Variants in DAGLB observed in about 807,000 individuals in gnomAD.
DAGLB encodes the protein diacylglycerol lipase beta.
Under a neutral mutation model 72.1 loss-of-function variants are expected in DAGLB, and 66 were observed. The ratio of observed to expected loss-of-function variants is 0.92; its 90% CI spans 0.75 to 1.12. The LOEUF (loss-of-function observed/expected upper bound fraction) is 1.12. DAGLB is among the 50% of genes most tolerant of loss of function. DAGLB has a pLI of 0.00. For synonymous variants in DAGLB, 414 were observed against 359.5 expected (o/e 1.15, Z -1.71); for missense variants, 1,065 against 884.9 (o/e 1.20, Z -2.58).
chr7:6,442,069 G>T (rs909576876), intron 2 of DAGLB, among the ~76,000 whole-genome samples: 2 of 152,110 alleles, frequency 1.3e-5, no homozygotes, highest in Non-Finnish European at 2.9e-5. Flanking sequence ...TCCTAGAGGG[G>T]CAAGGAAGCA....
At position 6,411,758 on chromosome 7, in the gene DAGLB, C is replaced by T. The variant is rs566552423; in HGVS notation, c.1569+1053G>A. ...CAAGTAAAAATCATCTCTACCGACA[C>T]TAAACAAAACCACCCTTGGCATACG... On this transcript the variant is annotated intron_variant, in intron 13 of 14. Coordinates refer to ENST00000297056, the MANE Select transcript of DAGLB (RefSeq NM_139179.4). 1.0e-3 allele frequency among the ~76,000 whole-genome samples: 154 copies of T among 152,290 alleles called. 2 individuals carry two copies. Among genetic ancestry groups the T allele is most frequent in the South Asian group, 1.2e-3 (6 of 4,824 alleles).
chr7:6,447,432 G>C (rs1562491946), intron 1 of DAGLB, among the ~76,000 whole-genome samples: 1 of 152,190 alleles, frequency 6.6e-6, no homozygotes, highest in Non-Finnish European at 1.5e-5. Context: ...TAACACCCTC[G>C]TGGCACCCCA....
rs372411593 is a variant in DAGLB at position 6,421,746 on chromosome 7, T to A, written c.1199A>T (p.Gln400Leu). 29 of 1,612,524 alleles carry A rather than the reference T, an allele frequency of 1.8e-5. No homozygotes were observed. The highest frequency in any genetic ancestry group is 2.4e-5 in the Non-Finnish European group (28 of 1,179,082). ...SEVLDVECEV[Q>L]DRLAHKGISQ... is the part of the protein sequence containing the mutation. The stretch of plus-strand genomic sequence containing the variant: ...TCATACCTTGTGTGCCAGGCGGTCC[T>A]GCACCTCACACTCCACGTCCAGCAC... The change falls in exon 9 of 15, where the codon CAG (glutamine) becomes CTG (leucine). Residue 400 changes from glutamine (Q) to leucine (L), a missense_variant. Physicochemically the swap from Gln to Leu is moderately radical, Grantham distance 113. Transcript: ENST00000297056.
rs758563828 is a variant in DAGLB, at chr7:6,434,866, C to A, written c.574G>T (p.Val192Leu). 6 of 1,614,070 alleles carry A rather than the reference C, an allele frequency of 3.7e-6. No homozygotes were observed. The highest frequency in any genetic ancestry group is 5.1e-6 in the Non-Finnish European group (6 of 1,180,042). The change falls in exon 4 of 15, where the codon GTG becomes TTG. Residue 192 changes from valine to leucine, a missense_variant. Coordinates refer to ENST00000297056, the MANE Select transcript of DAGLB (RefSeq NM_139179.4). ...AAGAGCTTGATTCTGGTTTCCCACA[C>A]GCTTGTAGCTGCTGTCTTGAGGCCA... ...LNGLKTAATS[V>L]WETRIKLLCC...
intron 2 of DAGLB, chr7:6,445,700 T>C (rs761831028): frequency 2.0e-5 from 6 of 299,438 alleles, no homozygotes; most frequent in Admixed American, 9.5e-5. Context: ...TGGCCTCAAG[T>C]GATCCACCCA....
intron 2 of DAGLB, among the ~76,000 whole-genome samples, chr7:6,441,740 C>T (rs1480290353): frequency 1.3e-5 from 2 of 152,092 alleles, no homozygotes; most frequent in African/African-American, 4.8e-5. Flanking sequence ...TTTAATAAGG[C>T]ATATAATGTT....
At chr7:6,418,643 C>T (rs143138213) in intron 9 of DAGLB, among the ~76,000 whole-genome samples, 129 of 150,660 alleles carry the variant, frequency 8.6e-4, no homozygotes, top group African/African-American at 2.7e-3. Flanking sequence ...TTGATCATCT[C>T]TAATCCAACT....
rs117787582 is a variant in DAGLB at position 6,425,618 on chromosome 7, A to G, written c.1056+370T>C. On this transcript the variant is annotated intron_variant, in intron 7 of 14. Coordinates refer to ENST00000297056, the MANE Select transcript of DAGLB (RefSeq NM_139179.4). ...CCCAAGGTGACAGTGACCCCCCCAG[A>G]GTGCCAGACCTGCTACACTACACTA... is the stretch of plus-strand genomic sequence containing the variant. Among the ~76,000 whole-genome samples, 57 of 152,232 alleles carry G rather than the reference A, an allele frequency of 3.7e-4. No homozygotes were observed. In the East Asian group the frequency reaches 0.01, roughly 28 times the overall value.
chr7:6,432,984 G>A, intron 4 of DAGLB, 25 bp from the exon 5 acceptor site: 2 of 1,608,244 alleles, frequency 1.2e-6, no homozygotes, highest in Non-Finnish European at 8.5e-7. Flanking sequence ...ACAATGGCCT[G>A]TCATAAAACC....
chr7:6,447,678 T>C, intron 1 of DAGLB, 70 bp downstream of exon 1: 1 of 1,539,554 alleles, frequency 6.5e-7, no homozygotes, highest in Non-Finnish European at 8.8e-7. Flanking sequence ...TCTGTCACCG[T>C]CTCAAGGGAC....
chr7:6,443,668 C>T (rs937713335), intron 2 of DAGLB, among the ~76,000 whole-genome samples: 4 of 152,026 alleles, frequency 2.6e-5, no homozygotes, highest in African/African-American at 7.2e-5. Flanking sequence ...ATCTTGATGC[C>T]GTCACTCACT....
At chr7:6,424,890 C>A (rs1469774510) in intron 7 of DAGLB, 55 bp from the exon 8 acceptor site, 11 of 1,579,392 alleles carry the variant, frequency 7.0e-6, no homozygotes, top group South Asian at 1.1e-5. Context: ...CGCACCAGCA[C>A]GCAAAGTCGG....
At chr7:6,413,465 C>T (rs1259480072) in intron 11 of DAGLB, among the ~76,000 whole-genome samples, 1 of 152,058 alleles carries the variant, frequency 6.6e-6, no homozygotes, top group African/African-American at 2.4e-5. Context: ...CCCGTCTCTA[C>T]TAAAAATACA....
At chr7:6,436,948 G>A (rs570133383) in intron 2 of DAGLB, among the ~76,000 whole-genome samples, 3 of 151,908 alleles carry the variant, frequency 2.0e-5, no homozygotes, top group South Asian at 2.1e-4. Flanking sequence ...TCAGGAGTTC[G>A]AGACCAGCCT....
At position 6,438,018 on chromosome 7, in the gene DAGLB, C is replaced by T. The variant is rs903656531; in HGVS notation, c.248-1485G>A. Among the ~76,000 whole-genome samples, 13 of 152,272 alleles carry T rather than the reference C, an allele frequency of 8.5e-5. No individual in the cohort carries two copies. In the East Asian group the frequency reaches 2.5e-3, roughly 29 times the overall value. On this transcript the variant is annotated intron_variant, in intron 2 of 14. Coordinates refer to ENST00000297056, the MANE Select transcript of DAGLB (RefSeq NM_139179.4). ...TAGTTACATTTTAAAATATTAGGCA[C>T]TAACATAAAGAAGGATGAGTTCATG...
Position 6,436,347 on chromosome 7 carries a change from G to T in DAGLB, c.419+15C>A, listed in dbSNP as rs1443487430. ...CAAATCCACTGAAACTCAAAGAGAA[G>T]AAGGGAGATGTCACCTGACCACGAC... On this transcript the variant is annotated intron_variant, in intron 3 of 14. Coordinates refer to ENST00000297056, the MANE Select transcript of DAGLB (RefSeq NM_139179.4). 6.3e-7 allele frequency: 1 copy of T among 1,595,804 alleles called. No individual in the cohort carries two copies. Among genetic ancestry groups the T allele is most frequent in the South Asian group, 1.1e-5 (1 of 88,666 alleles).
intron 9 of DAGLB, among the ~76,000 whole-genome samples, chr7:6,420,915 G>A (rs1256433049): frequency 2.6e-5 from 4 of 152,214 alleles, no homozygotes; most frequent in Admixed American, 6.5e-5. Flanking sequence ...CAGAGCGCCC[G>A]TGGGGTGGGC....
At chr7:6,414,732 G>A (rs1428738747) in intron 11 of DAGLB, among the ~76,000 whole-genome samples, 2 of 152,068 alleles carry the variant, frequency 1.3e-5, no homozygotes, top group African/African-American at 2.4e-5. Context: ...AACTACCAGT[G>A]CCCCGATTTC....
chr7:6,426,619 G>C (rs1784319017), intron 6 of DAGLB, among the ~76,000 whole-genome samples: 1 of 152,150 alleles, frequency 6.6e-6, no homozygotes, highest in Non-Finnish European at 1.5e-5. Flanking sequence ...TTCTTGGATA[G>C]AGTTCTGACT....
Sources: gnomAD v4.1 joint callset for allele counts (sites outside exome capture counted in the v4.1 genomes callset) on GRCh38, gnomAD v4.1.1 for gene constraint, MANE v1.5 for transcripts, NCBI Gene and HGNC (gene_info 2026-07-23, HGNC 2026-07-21) for gene names.